SHISA6: variants seen among roughly 807,000 people sequenced by gnomAD.
SHISA6 encodes protein shisa-6.
In SHISA6, 22 loss-of-function variants were observed where a neutral mutation model predicts 47.9. That is an observed-to-expected ratio of 0.46 (90% CI 0.33 to 0.66). SHISA6 has a LOEUF of 0.66. Ranked by LOEUF, SHISA6 falls within the 30% of genes least tolerant of loss-of-function variation. The pLI, the probability that SHISA6 is intolerant of heterozygous loss-of-function variation, is 0.02. For missense variants in SHISA6, 680 were observed against 764.6 expected, an observed-to-expected ratio of 0.89 and a Z score of 1.30; for synonymous variants, 388 against 337.8, an observed-to-expected ratio of 1.15 and a Z score of -1.63.
chr17:11,359,849 C>T (rs1054618389), intron 2 of SHISA6, among the ~76,000 whole-genome samples: 17 of 152,142 alleles, frequency 1.1e-4, no homozygotes, highest in Non-Finnish European at 2.4e-4. Flanking sequence ...GAAATAAGAA[C>T]GCTTTTACAC....
At chr17:11,551,238 C>A (rs2071929525) in intron 3 of SHISA6, among the ~76,000 whole-genome samples, 1 of 152,182 alleles carries the variant, frequency 6.6e-6, no homozygotes, top group Non-Finnish European at 1.5e-5. Flanking sequence ...GGTTTGGCAA[C>A]TGTAACTGTG....
At chr17:11,414,182 C>T (rs919082284) in intron 3 of SHISA6, among the ~76,000 whole-genome samples, 2 of 152,038 alleles carry the variant, frequency 1.3e-5, no homozygotes, top group African/African-American at 4.8e-5. Flanking sequence ...TCCTCCTGCT[C>T]CTGCTTCTTT....
intron 2 of SHISA6, among the ~76,000 whole-genome samples, chr17:11,323,186 G>A (rs1351826660): frequency 3.3e-5 from 5 of 152,166 alleles, no homozygotes; most frequent in South Asian, 2.1e-4. Flanking sequence ...ATCTCAAACC[G>A]TTCTAATTTT....
At chr17:11,407,182 C>T (rs1464463199) in intron 3 of SHISA6, among the ~76,000 whole-genome samples, 1 of 151,814 alleles carries the variant, frequency 6.6e-6, no homozygotes, top group East Asian at 1.9e-4. Context: ...AACCGTCTTA[C>T]AAGATAACCA....
chr17:11,259,030 T>C (rs1238590137), intron 1 of SHISA6, among the ~76,000 whole-genome samples: 1 of 151,224 alleles, frequency 6.6e-6, no homozygotes, highest in Non-Finnish European at 1.5e-5. Flanking sequence ...ATGGATGGAG[T>C]GTTTTATGGA....
intron 3 of SHISA6, among the ~76,000 whole-genome samples, chr17:11,545,755 C>T (rs150342419): frequency 2.0e-5 from 3 of 152,302 alleles, no homozygotes; most frequent in African/African-American, 7.2e-5. Context: ...CTTGTCCCCT[C>T]ACAGGGCTGG....
At chr17:11,457,778 C>G (rs1391257423) in intron 3 of SHISA6, among the ~76,000 whole-genome samples, 1 of 137,050 alleles carries the variant, frequency 7.3e-6, no homozygotes, top group African/African-American at 2.8e-5. Flanking sequence ...TAGATAGATG[C>G]CTTCCATAAA....
intron 3 of SHISA6, among the ~76,000 whole-genome samples, chr17:11,505,572 A>G (rs2071492154): frequency 6.6e-6 from 1 of 152,190 alleles, no homozygotes; most frequent in African/African-American, 2.4e-5. Context: ...GAAGACCCTG[A>G]TCAGTGACTT....
chr17:11,552,284 T>C (rs1238179640), intron 4 of SHISA6, among the ~76,000 whole-genome samples: 2 of 152,238 alleles, frequency 1.3e-5, no homozygotes, highest in Admixed American at 1.3e-4. Context: ...CCCTCCTTTG[T>C]TCAAAGCTAT....
At chr17:11,540,467 G>A (rs1368675074) in intron 3 of SHISA6, among the ~76,000 whole-genome samples, 6 of 152,186 alleles carry the variant, frequency 3.9e-5, no homozygotes, top group Admixed American at 3.9e-4. Flanking sequence ...TTGGGTTCCA[G>A]AAGCCACTCC....
intron 3 of SHISA6, among the ~76,000 whole-genome samples, chr17:11,469,665 C>G (rs1034983789): frequency 1.3e-5 from 2 of 152,074 alleles, no homozygotes; most frequent in Non-Finnish European, 2.9e-5. Flanking sequence ...GCCTTGGATC[C>G]CTCTGTGAAG....
At chr17:11,271,863 C>T (rs1267423216) in intron 2 of SHISA6, among the ~76,000 whole-genome samples, 1 of 151,886 alleles carries the variant, frequency 6.6e-6, no homozygotes, top group Admixed American at 6.6e-5. Flanking sequence ...GCTCTCTGGA[C>T]TTCCACCCTT....
chr17:11,473,443 G>A (rs1915975782), intron 3 of SHISA6, among the ~76,000 whole-genome samples: 1 of 151,992 alleles, frequency 6.6e-6, no homozygotes, highest in Non-Finnish European at 1.5e-5. Context: ...ATGCTTCAGA[G>A]GGGAGAAACA....
chr17:11,553,820 G>A (rs530765672), intron 4 of SHISA6, among the ~76,000 whole-genome samples: 3 of 152,314 alleles, frequency 2.0e-5, no homozygotes, highest in East Asian at 3.9e-4. Flanking sequence ...TAAAGTGGGT[G>A]GAACTGACTA....
chr17:11,517,666 T>C (rs2071596774), intron 3 of SHISA6, among the ~76,000 whole-genome samples: 1 of 152,048 alleles, frequency 6.6e-6, no homozygotes, highest in African/African-American at 2.4e-5. Flanking sequence ...CATGCCCAGC[T>C]AGTTTCTTTT....
rs71367322 is a variant in SHISA6 at position 11,341,328 on chromosome 17, C to CTTTTT, written c.800-38066_800-38062dup. 6.8e-4 allele frequency among the ~76,000 whole-genome samples: 60 copies of CTTTTT among 88,808 alleles called. 1 individual carries two copies. Among genetic ancestry groups the CTTTTT allele is most frequent in the East Asian group, 1.4e-3 (4 of 2,944 alleles). 58.3% of individuals were successfully genotyped at this position (88,808 alleles called of 152,430 possible). A position where few individuals can be genotyped will look rare whatever the true frequency, so the allele number is the denominator to read the frequency against. ...GGAATCCCATTCTTTCTCTCTCTCT[C>CTTTTT]TTTTTTTTTTTTTTTTTTTTTTTTG... is the stretch of plus-strand genomic sequence containing the variant. On this transcript the variant is annotated intron_variant, in intron 2 of 5. Transcript: ENST00000441885.
In SHISA6 at chr17:11,241,983, C is replaced by T; in HGVS notation, c.561C>T (p.Phe187=). The T allele has an allele frequency of 6.4e-7, 1 of 1,551,106 alleles. No homozygotes were observed. The highest frequency in any genetic ancestry group is 8.7e-7 in the Non-Finnish European group (1 of 1,147,016). Residue 187 remains phenylalanine, a synonymous_variant, in exon 1 of 6, where the codon TTC becomes TTT. Coordinates refer to ENST00000441885, the MANE Select transcript of SHISA6 (RefSeq NM_207386.4). This position sits in a 1 kb window ranked among gnomAD's most constrained non-coding sequence, Gnocchi z 5.5. ...ACATCACCTGCGGGGTGATCGCCTT[C>T]GTCATCGTGGCCGGCGTCTTCGCCA... ...TVYITCGVIA[F]VIVAGVFAKV... is the part of the protein sequence containing the mutation.
chr17:11,474,500 T>G (rs1597537480), intron 3 of SHISA6, among the ~76,000 whole-genome samples: 1 of 152,026 alleles, frequency 6.6e-6, no homozygotes, highest in South Asian at 2.1e-4. Flanking sequence ...GTGTAAGGTT[T>G]GGATTGATTT....
intron 3 of SHISA6, among the ~76,000 whole-genome samples, chr17:11,381,523 A>G (rs972582821): frequency 6.6e-6 from 1 of 152,176 alleles, no homozygotes; most frequent in African/African-American, 2.4e-5. Flanking sequence ...AGGCCTCTCC[A>G]ATAAGGTGGG....
Sources: allele counts gnomAD v4.1 joint callset (sites outside exome capture counted in the v4.1 genomes callset), GRCh38; gene constraint gnomAD v4.1.1; non-coding constraint Gnocchi (gnomAD v3.1); transcripts MANE v1.5; gene names NCBI Gene and HGNC (gene_info 2026-07-23, HGNC 2026-07-21).